Variants in UBE2J1 observed in about 807,000 individuals in gnomAD.
The protein encoded by UBE2J1 is ubiquitin-conjugating enzyme E2 J1.
UBE2J1 carries 17 observed loss-of-function variants against 42.1 expected under a neutral mutation model. The ratio of observed to expected loss-of-function variants is 0.40; its 90% CI spans 0.28 to 0.61. The LOEUF is 0.61. Among genes scored for constraint, UBE2J1 ranks in the 20% least tolerant of loss-of-function variants. UBE2J1 has a pLI of 0.38. For synonymous variants in UBE2J1, 127 were observed against 137.2 expected (o/e 0.93, Z 0.52); for missense variants, 291 against 389.4 (o/e 0.75, Z 2.13).
intron 6 of UBE2J1, among the ~76,000 whole-genome samples, chr6:89,333,550 C>T (rs377403774): frequency 1.3e-5 from 2 of 152,310 alleles, no homozygotes; most frequent in East Asian, 3.8e-4. Flanking sequence ...TATGAATAGT[C>T]TTTATCCCAC....
intron 3 of UBE2J1, among the ~76,000 whole-genome samples, chr6:89,339,731 C>T (rs1768207178): frequency 7.2e-6 from 1 of 138,114 alleles, no homozygotes; most frequent in Non-Finnish European, 1.6e-5. Flanking sequence ...TAAAAGAGGC[C>T]AGGCATGGTG....
chr6:89,339,568 AGAGGGGTGG>A (rs1768197107), intron 3 of UBE2J1, among the ~76,000 whole-genome samples: 1 of 938 alleles, frequency 1.1e-3, no homozygotes, highest in Non-Finnish European at 2.5e-3. Flanking sequence ...TGGGGAGGGA[AGAGGGGTGG>A]GGAGGGGAAG....
At position 89,351,113 on chromosome 6, in the gene UBE2J1, G is replaced by A. The variant is rs556788040; in HGVS notation, c.31+1426C>T. ...TTTTTTTTTTTTGAGATGGAGTCTC[G>A]CTCTGTCGCCCACACTGGAGTGCAG... On this transcript the variant is annotated intron_variant, in intron 1 of 7. Transcript: ENST00000435041. Among the ~76,000 whole-genome samples the A allele has an allele frequency of 6.6e-5, 7 of 105,462 alleles. No individual in the cohort carries two copies. In the East Asian group the frequency reaches 2.2e-3, roughly 34 times the overall value. 69.2% of individuals were successfully genotyped at this position (105,462 alleles called of 152,430 possible).
intron 6 of UBE2J1, among the ~76,000 whole-genome samples, chr6:89,334,295 G>A (rs10944444): frequency 0.19 from 29,140 of 151,758 alleles, 2,913 homozygotes; most frequent in Middle Eastern, 0.26. Context: ...GAGCCACTGC[G>A]CCCAGCTAAT....
chr6:89,338,458 C>A lies in UBE2J1; in HGVS notation c.322+1G>T, dbSNP rs1431174447. On this transcript the variant is annotated splice_donor_variant, in intron 4 of 7. Transcript: ENST00000435041. LOFTEE classifies it high-confidence loss of function. ...TATATTCACTATAAATTAACACTTACTACTCCACGAAGGCTGCCAAGTTTC... is the reference window on the plus strand; with the variant it reads ...TATATTCACTATAAATTAACACTTAATACTCCACGAAGGCTGCCAAGTTTC... 6.2e-7 allele frequency: 1 copy of A among 1,609,476 alleles called. No individual in the cohort carries two copies. The highest frequency in any genetic ancestry group is 8.5e-7 in the Non-Finnish European group (1 of 1,177,754).
Position 89,328,743 on chromosome 6 carries a change from C to T in UBE2J1, c.*936G>A, listed in dbSNP as rs534571776. The T allele has an allele frequency of 6.6e-6, 1 of 152,190 alleles. No individual in the cohort carries two copies. Among genetic ancestry groups the T allele is most frequent in the South Asian group, 2.1e-4 (1 of 4,820 alleles). The allele number at this position is 152,190 out of a possible 1,614,324, so 9.4% of individuals were successfully genotyped here. Reference sequence around the variant, plus strand: ...CTAACTTCTATCACTGTTACTTGGGCCCTGAGGTTTTCTATTAAAATAGGA... The same window carrying T: ...CTAACTTCTATCACTGTTACTTGGGTCCTGAGGTTTTCTATTAAAATAGGA... On this transcript the variant is annotated 3_prime_UTR_variant, in exon 8 of 8. Coordinates refer to ENST00000435041, the MANE Select transcript of UBE2J1 (RefSeq NM_016021.3).
chr6:89,344,881 C>G (rs575368358), intron 1 of UBE2J1, among the ~76,000 whole-genome samples: 1 of 152,326 alleles, frequency 6.6e-6, no homozygotes, highest in South Asian at 2.1e-4. Flanking sequence ...CACCCTCTGT[C>G]TTCTATTGGC....
chr6:89,337,542 T>A (rs1329676139), intron 5 of UBE2J1, among the ~76,000 whole-genome samples: 1 of 152,108 alleles, frequency 6.6e-6, no homozygotes, highest in Non-Finnish European at 1.5e-5. Flanking sequence ...ACATAATATG[T>A]CTGAAGGGTG....
At position 89,335,063 on chromosome 6, in the gene UBE2J1, T is replaced by C. The variant is rs570143346; in HGVS notation, c.558+239A>G. On this transcript the variant is annotated intron_variant, in intron 6 of 7. Coordinates refer to ENST00000435041, the MANE Select transcript of UBE2J1 (RefSeq NM_016021.3). Reference sequence around the variant, plus strand: ...CTATTCTATAAAGCTTTCATGAATGTAGTTAGGAATTTTGTAATAAGAAAA... The same window carrying C: ...CTATTCTATAAAGCTTTCATGAATGCAGTTAGGAATTTTGTAATAAGAAAA... Among the ~76,000 whole-genome samples the C allele has an allele frequency of 7.9e-5, 12 of 152,314 alleles. 1 individual carries two copies. The South Asian group carries it at 2.5e-3, about 32-fold the overall frequency.
chr6:89,348,958 T>C (rs1768413456), intron 1 of UBE2J1, among the ~76,000 whole-genome samples: 1 of 152,162 alleles, frequency 6.6e-6, no homozygotes, highest in Non-Finnish European at 1.5e-5. Flanking sequence ...AACGCAGGCC[T>C]GGTGCAGTGG....
intron 6 of UBE2J1, among the ~76,000 whole-genome samples, chr6:89,334,461 CT>C (rs1364247040): frequency 2.7e-5 from 4 of 150,008 alleles, no homozygotes; most frequent in African/African-American, 9.8e-5. Flanking sequence ...ATGTCATTTT[CT>C]TTTTCTTTTT....
At chr6:89,349,054 G>A (rs1404403005) in intron 1 of UBE2J1, among the ~76,000 whole-genome samples, 2 of 152,148 alleles carry the variant, frequency 1.3e-5, no homozygotes, top group South Asian at 2.1e-4. Flanking sequence ...TGGGCAACAT[G>A]GTGAAACCCT....
chr6:89,348,397 C>A (rs2127873769), intron 1 of UBE2J1, among the ~76,000 whole-genome samples: 1 of 152,302 alleles, frequency 6.6e-6, no homozygotes, highest in African/African-American at 2.4e-5. Context: ...ATAAAGGGAT[C>A]TTCTACAGGC....
intron 2 of UBE2J1, among the ~76,000 whole-genome samples, chr6:89,343,151 C>A (rs111416055): frequency 5.1e-4 from 77 of 152,192 alleles, no homozygotes; most frequent in African/African-American, 1.8e-3. Context: ...CAAGATCTAA[C>A]CTCGGCCGGG....
chr6:89,342,430 G>T lies in UBE2J1; in HGVS notation c.131C>A (p.Thr44Lys). The T allele has an allele frequency of 6.2e-7, 1 of 1,610,704 alleles. No individual in the cohort carries two copies. The highest frequency in any genetic ancestry group is 8.5e-7 in the Non-Finnish European group (1 of 1,178,954). Reference protein sequence around the residue: ...LEDNLFEWHFTVRGPPDSDFD... With the variant: ...LEDNLFEWHFKVRGPPDSDFD... ...ATCGGAGTCTGGGGGCCCTCTAACC[G>T]TGAAGTGCCATTCAAAAAGGTTATC... Residue 44 changes from threonine to lysine, a missense_variant, in exon 3 of 8, where the codon ACG (threonine) becomes AAG (lysine). This residue lies in a region of UBE2J1 where 115 missense variants were observed against 193.1 expected (regional missense o/e 0.60). Transcript: ENST00000435041.
chr6:89,352,459 G>T, intron 1 of UBE2J1, 80 bp downstream of exon 1: 2 of 1,443,820 alleles, frequency 1.4e-6, no homozygotes, highest in African/African-American at 1.5e-5. Context: ...GGCGCCAGAC[G>T]CGAGGGGACC....
chr6:89,326,958 C>G lies in UBE2J1; in HGVS notation c.*2721G>C, dbSNP rs754750955. The stretch of plus-strand genomic sequence containing the variant: ...AAAAGACCAGAAAGTTTATTCATAG[C>G]CAAAAATGACAAAAAGAGTTCTTAT... On this transcript the variant is annotated 3_prime_UTR_variant, in exon 8 of 8. Coordinates refer to ENST00000435041, the MANE Select transcript of UBE2J1 (RefSeq NM_016021.3). 3.2e-4 allele frequency: 49 copies of G among 152,314 alleles called. No homozygotes were observed. Among genetic ancestry groups the G allele is most frequent in the Admixed American group, 6.6e-5 (1 of 15,234 alleles). The allele number at this position is 152,314 out of a possible 1,614,324, so 9.4% of individuals were successfully genotyped here.
At chr6:89,342,143 T>C (rs1768256916) in intron 3 of UBE2J1, among the ~76,000 whole-genome samples, 181 bp downstream of exon 3, 1 of 152,220 alleles carries the variant, frequency 6.6e-6, no homozygotes, top group African/African-American at 2.4e-5. Context: ...TTTTTACTTC[T>C]CAGATGCATC....
Position 89,329,580 on chromosome 6 carries a change from A to G in UBE2J1, c.*99T>C. The G allele has an allele frequency of 7.6e-7, 1 of 1,307,610 alleles. No individual in the cohort carries two copies. The highest frequency in any genetic ancestry group is 1.1e-6 in the Non-Finnish European group (1 of 934,088). The allele number at this position is 1,307,610 out of a possible 1,614,324, so 81.0% of individuals were successfully genotyped here. ...GGATCAAAAAAAGGAATGAAGGGTAAATACAAAATAATCTTTTTGTAAACA... is the reference window on the plus strand; with the variant it reads ...GGATCAAAAAAAGGAATGAAGGGTAGATACAAAATAATCTTTTTGTAAACA... On this transcript the variant is annotated 3_prime_UTR_variant, in exon 8 of 8. Coordinates refer to ENST00000435041, the MANE Select transcript of UBE2J1 (RefSeq NM_016021.3).
Sources: allele counts gnomAD v4.1 joint callset (sites outside exome capture counted in the v4.1 genomes callset), GRCh38; gene constraint gnomAD v4.1.1; regional missense constraint gnomAD v4.1.1; transcripts MANE v1.5; gene names NCBI Gene and HGNC (gene_info 2026-07-23, HGNC 2026-07-21).